The following NKAIN2 variants were observed in gnomAD, a reference collection of about 807,000 sequenced individuals.
NKAIN2 encodes sodium/potassium-transporting ATPase subunit beta-1-interacting protein 2.
In NKAIN2, 14 loss-of-function variants were observed where a neutral mutation model predicts 32.6. The ratio of observed to expected loss-of-function variants is 0.43; its 90% CI spans 0.28 to 0.67. NKAIN2 has a LOEUF of 0.67. Ranked by LOEUF, NKAIN2 falls within the 30% of genes least tolerant of loss-of-function variation. The pLI is 0.17. For missense variants in NKAIN2, 198 were observed against 258.3 expected, an observed-to-expected ratio of 0.77 and a Z score of 1.60; for synonymous variants, 80 against 87.2, an observed-to-expected ratio of 0.92 and a Z score of 0.46.
At chr6:123,986,537 G>A (rs1397547106) in intron 1 of NKAIN2, among the ~76,000 whole-genome samples, 1 of 152,084 alleles carries the variant, frequency 6.6e-6, no homozygotes, top group East Asian at 1.9e-4. Flanking sequence ...CCAAAGGTAT[G>A]AGCCGACTCT....
rs571767167 is a variant in NKAIN2, at chr6:124,625,684, C to CTT, written c.274-32500_274-32499dup. 1.6e-3 allele frequency among the ~76,000 whole-genome samples: 224 copies of CTT among 140,408 alleles called. 1 individual carries two copies. The highest frequency in any genetic ancestry group is 5.2e-3 in the African/African-American group (202 of 38,834). The allele number at this position is 140,408 out of a possible 152,430, so 92.1% of individuals were successfully genotyped here. ...GAGAAGTTATTTTCATGAGCACCTA[C>CTT]TTTGTGCTGAAGATGCTTTATTTAT... On this transcript the variant is annotated intron_variant, in intron 3 of 6. Transcript: ENST00000368417.
intron 1 of NKAIN2, among the ~76,000 whole-genome samples, chr6:123,993,487 C>T (rs970853987): frequency 2.6e-5 from 4 of 152,122 alleles, no homozygotes; most frequent in African/African-American, 9.7e-5. Flanking sequence ...TACATATGGG[C>T]ATAAGCCATA....
chr6:124,090,810 C>T (rs1221148453), intron 1 of NKAIN2, among the ~76,000 whole-genome samples: 1 of 151,940 alleles, frequency 6.6e-6, no homozygotes, highest in African/African-American at 2.4e-5. Flanking sequence ...CTTTTATAAT[C>T]GTTCAGTGCA....
intron 2 of NKAIN2, among the ~76,000 whole-genome samples, chr6:124,344,825 T>A (rs1442655967): frequency 6.6e-6 from 1 of 152,192 alleles, no homozygotes; most frequent in East Asian, 1.9e-4. Flanking sequence ...ACCCTTTATT[T>A]CCTTCTACTG....
chr6:124,080,720 G>T (rs371815665), intron 1 of NKAIN2, among the ~76,000 whole-genome samples: 3 of 149,010 alleles, frequency 2.0e-5, no homozygotes, highest in African/African-American at 7.5e-5. Context: ...AAACACACAC[G>T]ACTACTAGCA....
chr6:124,246,583 G>T (rs1326406303), intron 1 of NKAIN2, among the ~76,000 whole-genome samples: 1 of 152,004 alleles, frequency 6.6e-6, no homozygotes, highest in African/African-American at 2.4e-5. Flanking sequence ...AAATCCGTGT[G>T]GCCTCGACAC....
intron 1 of NKAIN2, among the ~76,000 whole-genome samples, chr6:124,256,885 G>GTTTTTTTTTTTT (rs568654193): frequency 6.2e-4 from 47 of 75,882 alleles, no homozygotes; most frequent in Non-Finnish European, 7.2e-4. Context: ...GCTTTCTGTT[G>GTTTTTTTTTTTT]TTTTTTTTTT....
intron 1 of NKAIN2, among the ~76,000 whole-genome samples, chr6:124,170,443 G>T (rs1471390851): frequency 1.3e-5 from 2 of 152,146 alleles, no homozygotes; most frequent in African/African-American, 4.8e-5. Flanking sequence ...TAAATAGAAA[G>T]TATGCAGGGA....
chr6:124,384,457 G>A (rs188788135), intron 3 of NKAIN2, among the ~76,000 whole-genome samples: 8 of 152,112 alleles, frequency 5.3e-5, no homozygotes, highest in Non-Finnish European at 7.4e-5. Flanking sequence ...TTTTGAGACC[G>A]CATTGATAAT....
At chr6:124,687,839 TTA>T (rs1774057482) in intron 4 of NKAIN2, among the ~76,000 whole-genome samples, 1 of 143,386 alleles carries the variant, frequency 7.0e-6, no homozygotes, top group African/African-American at 2.6e-5. Context: ...ATACCCATAC[TTA>T]TAAAGTATGC....
At chr6:124,023,806 G>A (rs923503277) in intron 1 of NKAIN2, among the ~76,000 whole-genome samples, 1 of 152,054 alleles carries the variant, frequency 6.6e-6, no homozygotes, top group African/African-American at 2.4e-5. Flanking sequence ...AAAGCTACAG[G>A]ATGTGAAGGC....
intron 1 of NKAIN2, among the ~76,000 whole-genome samples, chr6:124,165,030 T>A (rs1788464494): frequency 6.6e-6 from 1 of 152,072 alleles, no homozygotes; most frequent in Non-Finnish European, 1.5e-5. Context: ...AAATATTTCT[T>A]ATTAATTATA....
intron 4 of NKAIN2, among the ~76,000 whole-genome samples, chr6:124,743,419 T>C (rs1481093784): frequency 6.7e-6 from 1 of 149,022 alleles, no homozygotes; most frequent in Non-Finnish European, 1.5e-5. Flanking sequence ...ACTTTAATAA[T>C]TAATAAATCG....
intron 1 of NKAIN2, among the ~76,000 whole-genome samples, chr6:123,994,295 TTTTG>T (rs1022945497): frequency 6.6e-6 from 1 of 152,078 alleles, no homozygotes; most frequent in African/African-American, 2.4e-5. Flanking sequence ...GCTGTTTTGT[TTTTG>T]TTTGTTTTAT....
intron 1 of NKAIN2, among the ~76,000 whole-genome samples, chr6:123,999,198 A>G (rs2114708051): frequency 6.6e-6 from 1 of 152,282 alleles, no homozygotes; most frequent in African/African-American, 2.4e-5. Flanking sequence ...TGCTTTGGAG[A>G]ATGGAAAATA....
chr6:124,326,460 G>A lies in NKAIN2; in HGVS notation c.193-28807G>A, dbSNP rs143108562. Among the ~76,000 whole-genome samples, 639 of 152,118 alleles carry A rather than the reference G, an allele frequency of 4.2e-3. 1 individual carries two copies. The highest frequency in any genetic ancestry group is 0.015 in the African/African-American group (605 of 41,504). ...CCTCAAATTATAGCCTTTCTGTGTA[G>A]CCATGTCTCTGCCTCTCAGAGCTAA... On this transcript the variant is annotated intron_variant, in intron 2 of 6. Transcript: ENST00000368417.
chr6:124,650,753 G>A (rs1784340781), intron 3 of NKAIN2, among the ~76,000 whole-genome samples: 1 of 152,056 alleles, frequency 6.6e-6, no homozygotes, highest in Admixed American at 6.6e-5. Context: ...ATGCTTTTGG[G>A]GTGACATACT....
chr6:124,086,280 T>C (rs528079821), intron 1 of NKAIN2, among the ~76,000 whole-genome samples: 185 of 152,138 alleles, frequency 1.2e-3, no homozygotes, highest in Non-Finnish European at 2.3e-3. Flanking sequence ...GTTAGTAAAC[T>C]TTGGAGTTTG....
chr6:124,379,728 A>T (rs1772541104), intron 3 of NKAIN2, among the ~76,000 whole-genome samples: 1 of 152,144 alleles, frequency 6.6e-6, no homozygotes, highest in South Asian at 2.1e-4. Flanking sequence ...AAAATCCATC[A>T]AGAGTTCAGT....
Sources: allele counts gnomAD v4.1 joint callset (sites outside exome capture counted in the v4.1 genomes callset), GRCh38; gene constraint gnomAD v4.1.1; transcripts MANE v1.5; gene names NCBI Gene and HGNC (gene_info 2026-07-23, HGNC 2026-07-21).